The following IKZF2 variants were observed in gnomAD, a reference collection of about 807,000 sequenced individuals.
The protein encoded by IKZF2 is zinc finger protein Helios.
A neutral mutation model predicts 49.2 loss-of-function variants in IKZF2; 15 were observed. The ratio of observed to expected loss-of-function variants is 0.30; its 90% confidence interval spans 0.20 to 0.47. The LOEUF (loss-of-function observed/expected upper bound fraction) is 0.47, where lower values mean the gene tolerates loss of function less well. Ranked by LOEUF, IKZF2 falls within the 20% of genes least tolerant of loss-of-function variation. The pLI is 1.00. For synonymous variants in IKZF2, 227 were observed against 221.4 expected (o/e 1.03, Z -0.23); for missense variants, 567 against 664.6 (o/e 0.85, Z 1.61).
chr2:213,012,368 T>G (rs1482479670), intron 8 of IKZF2, among the ~76,000 whole-genome samples: 1 of 151,952 alleles, frequency 6.6e-6, no homozygotes, highest in Non-Finnish European at 1.5e-5. Flanking sequence ...AAGAGTAGAC[T>G]ATATAAATTC....
intron 8 of IKZF2, among the ~76,000 whole-genome samples, chr2:213,010,282 C>T (rs1695802895): frequency 6.6e-6 from 1 of 152,066 alleles, no homozygotes; most frequent in African/African-American, 2.4e-5. Context: ...AAGGAAATAA[C>T]TGATATCACC....
chr2:213,028,967 T>G (rs1043768637), intron 6 of IKZF2, among the ~76,000 whole-genome samples: 1 of 152,076 alleles, frequency 6.6e-6, no homozygotes, highest in Non-Finnish European at 1.5e-5. Flanking sequence ...AAAATTACAT[T>G]GTGATGTTTT....
Position 213,013,902 on chromosome 2 carries a change from G to C in IKZF2, c.745C>G (p.Pro249Ala). The C allele has an allele frequency of 6.2e-7, 1 of 1,611,542 alleles. No homozygotes were observed. Among genetic ancestry groups the C allele is most frequent in the African/African-American group, 1.3e-5 (1 of 74,908 alleles). Reference protein sequence around the residue: ...PPMEDCKEQEPIMDNNISLVP... With the variant: ...PPMEDCKEQEAIMDNNISLVP... ...AGAGAAATATTGTTGTCCATAATAG[G>C]CTCTTGTTCCTTACAATCTTCCATA... The change falls in exon 8 of 9, where the codon CCT becomes GCT. Residue 249 changes from proline (P) to alanine (A), a missense_variant. Coordinates refer to ENST00000434687, the MANE Select transcript of IKZF2 (RefSeq NM_001387220.1).
At chr2:213,140,049 A>C (rs1038808500) in intron 4 of IKZF2, among the ~76,000 whole-genome samples, 1 of 151,970 alleles carries the variant, frequency 6.6e-6, no homozygotes, top group Non-Finnish European at 1.5e-5. Flanking sequence ...CCAGCAATGC[A>C]TCATACACAG....
At chr2:213,122,770 T>G (rs1329097142) in intron 4 of IKZF2, among the ~76,000 whole-genome samples, 2 of 152,216 alleles carry the variant, frequency 1.3e-5, no homozygotes, top group African/African-American at 4.8e-5. Flanking sequence ...TGACAAAATC[T>G]AGCCTAGATA....
At chr2:213,100,388 T>C (rs781719015) in intron 4 of IKZF2, among the ~76,000 whole-genome samples, 1 of 152,032 alleles carries the variant, frequency 6.6e-6, no homozygotes. Context: ...ATATTGACTA[T>C]TTTATAATAA....
intron 5 of IKZF2, among the ~76,000 whole-genome samples, chr2:213,051,513 A>C (rs1683542377): frequency 6.6e-6 from 1 of 151,954 alleles, no homozygotes; most frequent in Non-Finnish European, 1.5e-5. Context: ...TAACCTGGTA[A>C]GATCTATATC....
intron 4 of IKZF2, among the ~76,000 whole-genome samples, chr2:213,102,533 T>C (rs1007728973): frequency 2.0e-5 from 3 of 151,950 alleles, no homozygotes; most frequent in African/African-American, 4.8e-5. Context: ...GTACAAGCAA[T>C]AGGAAATTTT....
chr2:213,029,945 A>G (rs1009353119), intron 6 of IKZF2, among the ~76,000 whole-genome samples: 1 of 152,158 alleles, frequency 6.6e-6, no homozygotes, highest in African/African-American at 2.4e-5. Context: ...GTGAAACGAA[A>G]TATTAAACAA....
At chr2:213,130,296 G>A (rs2060433174) in intron 4 of IKZF2, among the ~76,000 whole-genome samples, 2 of 152,134 alleles carry the variant, frequency 1.3e-5, no homozygotes, top group African/African-American at 4.8e-5. Flanking sequence ...AGGCAGGAAA[G>A]AAGTCAAAAT....
rs558982328 is a variant in IKZF2 at position 213,036,954 on chromosome 2, C to G, written c.574+12759G>C. On this transcript the variant is annotated intron_variant, in intron 6 of 8. Coordinates refer to ENST00000434687, the MANE Select transcript of IKZF2 (RefSeq NM_001387220.1). ...CCAAACAAAACACACCACACACACA[C>G]ACACACAAGTCCCAGTGTGTCATGC... 2.5e-4 allele frequency among the ~76,000 whole-genome samples: 38 copies of G among 152,308 alleles called. No homozygotes were observed. The South Asian group carries it at 7.5e-3, about 30-fold the overall frequency.
chr2:213,085,724 C>T (rs1704502677), intron 4 of IKZF2, among the ~76,000 whole-genome samples: 1 of 152,178 alleles, frequency 6.6e-6, no homozygotes, highest in Non-Finnish European at 1.5e-5. Flanking sequence ...GATGTTGGGT[C>T]AGCCTGCCAG....
rs1475122855 is a variant in IKZF2, at chr2:213,006,377, T to C, written c.*983A>G. 1 of 152,538 alleles carries C rather than the reference T, an allele frequency of 6.6e-6. No homozygotes were observed. The highest frequency in any genetic ancestry group is 1.5e-5 in the Non-Finnish European group (1 of 67,992). 9.4% of individuals were successfully genotyped at this position (152,538 alleles called of 1,614,324 possible). A position where few individuals can be genotyped will look rare whatever the true frequency, so the allele number is the denominator to read the frequency against. ...CCCTACTGTTAGCATAATTATATTT[T>C]TCTGCTGACTGGTTAACACTGATTA... On this transcript the variant is annotated 3_prime_UTR_variant, in exon 9 of 9. Transcript: ENST00000434687.
intron 6 of IKZF2, among the ~76,000 whole-genome samples, chr2:213,046,313 T>C (rs1351760895): frequency 6.6e-6 from 1 of 152,188 alleles, no homozygotes; most frequent in Non-Finnish European, 1.5e-5. Flanking sequence ...CCAAGTATAC[T>C]GTATGAGCAA....
intron 4 of IKZF2, among the ~76,000 whole-genome samples, chr2:213,144,133 G>GA (rs1220431325): frequency 6.6e-6 from 1 of 151,896 alleles, no homozygotes; most frequent in African/African-American, 2.4e-5. Context: ...ACTCTGAAAA[G>GA]AATAAACTAG....
chr2:213,116,990 G>T (rs1353005245), intron 4 of IKZF2, among the ~76,000 whole-genome samples: 1 of 152,070 alleles, frequency 6.6e-6, no homozygotes, highest in East Asian at 1.9e-4. Context: ...TCATCTAACT[G>T]TTGTACCTCG....
chr2:213,147,887 C>T (rs948407158), intron 3 of IKZF2, 75 bp from the exon 4 acceptor site: 48 of 1,022,556 alleles, frequency 4.7e-5, no homozygotes, highest in Non-Finnish European at 6.9e-5. Flanking sequence ...TTGCTTTATA[C>T]ACGCAATGGC....
chr2:213,038,539 T>C (rs1428358162), intron 6 of IKZF2, among the ~76,000 whole-genome samples: 4 of 151,278 alleles, frequency 2.6e-5, no homozygotes, highest in African/African-American at 9.7e-5. Flanking sequence ...GCATGATACA[T>C]ACACTGAAGA....
intron 4 of IKZF2, among the ~76,000 whole-genome samples, chr2:213,112,615 C>A (rs992071642): frequency 3.9e-5 from 6 of 152,076 alleles, no homozygotes; most frequent in Non-Finnish European, 7.4e-5. Context: ...GTGCAAGCCA[C>A]TGGGCCCAGC....
Sources: allele counts gnomAD v4.1 joint callset (sites outside exome capture counted in the v4.1 genomes callset), GRCh38; gene constraint gnomAD v4.1.1; transcripts MANE v1.5; gene names NCBI Gene and HGNC (gene_info 2026-07-23, HGNC 2026-07-21).